DGKI: variants seen among roughly 807,000 people sequenced by gnomAD.
DGKI encodes diacylglycerol kinase iota, also known as DAG kinase iota.
In DGKI, 55 loss-of-function variants were observed where a neutral mutation model predicts 147.5. That is an observed-to-expected ratio of 0.37 (90% CI 0.30 to 0.47). DGKI has a LOEUF of 0.47. DGKI is among the 20% of genes least tolerant of loss of function. The pLI, the probability that DGKI is intolerant of heterozygous loss-of-function variation, is 1.00. For missense variants in DGKI, 1,007 were observed against 1,323.8 expected (o/e 0.76, Z 3.71); for synonymous variants, 469 against 477.1 (o/e 0.98, Z 0.22).
At chr7:137,768,451 C>T (rs1705009105) in intron 1 of DGKI, among the ~76,000 whole-genome samples, 1 of 152,152 alleles carries the variant, frequency 6.6e-6, no homozygotes, top group Admixed American at 6.5e-5. Context: ...CTTCGTCACA[C>T]TGAGCTAAAA....
intron 29 of DGKI, among the ~76,000 whole-genome samples, chr7:137,410,157 G>A (rs1302034635): frequency 1.3e-5 from 2 of 152,144 alleles, no homozygotes; most frequent in East Asian, 3.9e-4. Context: ...TGTAATCCCA[G>A]TACTTCAGGA....
intron 2 of DGKI, among the ~76,000 whole-genome samples, chr7:137,682,538 G>T (rs995456774): frequency 5.3e-5 from 8 of 152,136 alleles, no homozygotes; most frequent in Middle Eastern, 3.2e-3. Flanking sequence ...TATTATTGTT[G>T]CTATTACTCT....
intron 1 of DGKI, among the ~76,000 whole-genome samples, chr7:137,801,904 T>G (rs1797223462): frequency 6.6e-6 from 1 of 152,132 alleles, no homozygotes; most frequent in African/African-American, 2.4e-5. Context: ...GTGGAAAACT[T>G]TATGCAAAAA....
chr7:137,520,848 C>T (rs943717875), intron 21 of DGKI, among the ~76,000 whole-genome samples: 1 of 152,018 alleles, frequency 6.6e-6, no homozygotes, highest in Non-Finnish European at 1.5e-5. Flanking sequence ...GTCTCAGAAA[C>T]CAGAGCTCAG....
chr7:137,686,456 C>T (rs1368271328), intron 2 of DGKI, among the ~76,000 whole-genome samples: 1 of 152,142 alleles, frequency 6.6e-6, no homozygotes, highest in Non-Finnish European at 1.5e-5. Context: ...CAGTAAATAT[C>T]TATTGCCGAA....
chr7:137,457,147 T>G (rs1415862345), intron 27 of DGKI, among the ~76,000 whole-genome samples: 1 of 152,128 alleles, frequency 6.6e-6, no homozygotes, highest in African/African-American at 2.4e-5. Context: ...TGAGCAAGAT[T>G]GAGCCCAGTC....
At chr7:137,712,625 C>A (rs1794249460) in intron 1 of DGKI, among the ~76,000 whole-genome samples, 1 of 152,194 alleles carries the variant, frequency 6.6e-6, no homozygotes, top group Non-Finnish European at 1.5e-5. Flanking sequence ...ATTCCAGTAT[C>A]TTGTTTAAAG....
intron 17 of DGKI, among the ~76,000 whole-genome samples, chr7:137,575,524 G>C (rs1313875912): frequency 2.6e-5 from 4 of 152,190 alleles, no homozygotes; most frequent in South Asian, 4.1e-4. Context: ...TCTCCTGGCA[G>C]GTACTGTGGA....
intron 17 of DGKI, among the ~76,000 whole-genome samples, chr7:137,576,827 G>A (rs554548582): frequency 1.3e-5 from 2 of 152,220 alleles, no homozygotes; most frequent in South Asian, 2.1e-4. Context: ...GGAGAGTACC[G>A]ATTTATGCTT....
intron 10 of DGKI, among the ~76,000 whole-genome samples, chr7:137,600,382 G>A (rs1274156905): frequency 6.6e-6 from 1 of 152,178 alleles, no homozygotes; most frequent in Non-Finnish European, 1.5e-5. Context: ...CAGTTTAGAT[G>A]TTTATCTAAC....
At chr7:137,832,153 C>G (rs936731684) in intron 1 of DGKI, among the ~76,000 whole-genome samples, 1 of 152,206 alleles carries the variant, frequency 6.6e-6, no homozygotes, top group African/African-American at 2.4e-5. Flanking sequence ...TCCAGGTGCA[C>G]AGTGCAAGCT....
chr7:137,517,392 GGAGAAAGAGA>G lies in DGKI; in HGVS notation c.2248+4464_2248+4473del, dbSNP rs1198630722. On this transcript the variant is annotated intron_variant, in intron 21 of 32. Coordinates refer to ENST00000614521, the MANE Select transcript of DGKI (RefSeq NM_001321708.2). The stretch of plus-strand genomic sequence containing the variant: ...GGGAGAGAGAGAGGGCGGGAGGGAG[GGAGAAAGAGA>G]GAGAAAGAGAGAGAAAGAAAGAAAG... Among the ~76,000 whole-genome samples, 46 of 131,238 alleles carry G rather than the reference GGAGAAAGAGA, an allele frequency of 3.5e-4. 1 individual carries two copies. The highest frequency in any genetic ancestry group is 1.0e-3 in the Admixed American group (13 of 13,004). The allele number at this position is 131,238 out of a possible 152,430, so 86.1% of individuals were successfully genotyped here.
chr7:137,520,549 T>G (rs936440205), intron 21 of DGKI, among the ~76,000 whole-genome samples: 10 of 152,046 alleles, frequency 6.6e-5, no homozygotes, highest in Non-Finnish European at 1.5e-4. Context: ...CAGCTCACAC[T>G]TTCCTATAAA....
rs550478015 is a variant in DGKI at position 137,590,600 on chromosome 7, G to T, written c.1312-3390C>A. ...TAATACTAAAACAGATGGAACGTTA[G>T]GGGGTTAATTCACTGCCCATGGAAC... On this transcript the variant is annotated intron_variant, in intron 12 of 32. Coordinates refer to ENST00000614521, the MANE Select transcript of DGKI (RefSeq NM_001321708.2). Among the ~76,000 whole-genome samples the T allele has an allele frequency of 3.9e-5, 6 of 152,356 alleles. No homozygotes were observed. The East Asian group carries it at 1.2e-3, about 29-fold the overall frequency.
intron 30 of DGKI, among the ~76,000 whole-genome samples, chr7:137,406,930 C>CAAAAAAAAAAAAA (rs3046570): frequency 2.2e-5 from 2 of 92,552 alleles, no homozygotes; most frequent in African/African-American, 4.3e-5. Context: ...TGCTGAATTG[C>CAAAAAAAAAAAAA]AAAAAAAAAA....
In DGKI at chr7:137,407,257, G is replaced by A. The variant is rs1317700946; in HGVS notation, c.2920+618C>T. On this transcript the variant is annotated intron_variant, in intron 30 of 32. Coordinates refer to ENST00000614521, the MANE Select transcript of DGKI (RefSeq NM_001321708.2). Reference sequence around the variant, plus strand: ...TTTATGCTTCCAAAGGGTTTTTAGAGGCAGATGCTATAGCGCATGCTACTT... The same window carrying A: ...TTTATGCTTCCAAAGGGTTTTTAGAAGCAGATGCTATAGCGCATGCTACTT... 3.9e-5 allele frequency among the ~76,000 whole-genome samples: 6 copies of A among 152,180 alleles called. 1 individual carries two copies. Among genetic ancestry groups the A allele is most frequent in the Non-Finnish European group, 2.9e-5 (2 of 68,022 alleles).
chr7:137,694,591 T>C (rs988508550), intron 1 of DGKI, among the ~76,000 whole-genome samples: 1 of 152,184 alleles, frequency 6.6e-6, no homozygotes, highest in Non-Finnish European at 1.5e-5. Context: ...CTCCTAAAGA[T>C]TGACACATTA....
At chr7:137,661,184 G>A (rs1256092255) in intron 3 of DGKI, among the ~76,000 whole-genome samples, 1 of 152,098 alleles carries the variant, frequency 6.6e-6, no homozygotes, top group East Asian at 1.9e-4. Context: ...CACCTCGACA[G>A]GTGGAATCAC....
rs941555014 is a variant in DGKI, at chr7:137,770,824, C to T, written c.401+75638G>A. ...CTGGGATTACAGGCGTGAGCCACCG[C>T]GCCCGGCCCTCAGTGGGTTTTAATA... is the stretch of plus-strand genomic sequence containing the variant. On this transcript the variant is annotated intron_variant, in intron 1 of 32. Transcript: ENST00000614521. 4.1e-5 allele frequency among the ~76,000 whole-genome samples: 2 copies of T among 48,664 alleles called. 1 individual carries two copies. Among genetic ancestry groups the T allele is most frequent in the Non-Finnish European group, 6.9e-5 (2 of 29,054 alleles). The allele number at this position is 48,664 out of a possible 152,430, so 31.9% of individuals were successfully genotyped here.
Sources: allele counts gnomAD v4.1 joint callset (sites outside exome capture counted in the v4.1 genomes callset), GRCh38; gene constraint gnomAD v4.1.1; transcripts MANE v1.5; gene names NCBI Gene and HGNC (gene_info 2026-07-23, HGNC 2026-07-21).